LAMA4: variants seen among roughly 807,000 people sequenced by gnomAD.
LAMA4 encodes laminin subunit alpha-4.
LAMA4 carries 127 observed loss-of-function variants against 207.1 expected under a neutral mutation model. That is an observed-to-expected ratio of 0.61 (90% CI 0.53 to 0.71). The LOEUF is 0.71. LAMA4 is among the 30% of genes least tolerant of loss of function. The pLI, the probability that LAMA4 is intolerant of heterozygous loss-of-function variation, is 0.00. For missense variants in LAMA4, 2,093 were observed against 2,246.5 expected, an observed-to-expected ratio of 0.93 and a Z score of 1.38; for synonymous variants, 761 against 816.0, an observed-to-expected ratio of 0.93 and a Z score of 1.15.
chr6:112,122,023 A>G lies in LAMA4; in HGVS notation c.4466T>C (p.Phe1489Ser), dbSNP rs587734662. The G allele has an allele frequency of 1.2e-6, 2 of 1,613,946 alleles. No individual in the cohort carries two copies. The highest frequency in any genetic ancestry group is 2.7e-5 in the African/African-American group (2 of 75,024). Residue 1489 changes from phenylalanine (F) to serine (S), a missense_variant, in exon 32 of 39, where the codon TTT becomes TCT. Transcript: ENST00000230538. ...TAGTGTGTTACTTTACTTGGCACCA[A>G]AATCTCCTTTTAAGTGTTCAAACTC... Reference protein sequence around the residue: ...RQEFEHLKGDFGAKSQFSIRL... With the variant: ...RQEFEHLKGDSGAKSQFSIRL...
At chr6:112,224,410 C>T (rs1393782027) in intron 2 of LAMA4, among the ~76,000 whole-genome samples, 7 of 152,152 alleles carry the variant, frequency 4.6e-5, no homozygotes, top group African/African-American at 1.2e-4. Flanking sequence ...AGAACTTAAT[C>T]GCACTGGCTC....
chr6:112,159,246 G>T (rs184700199), intron 13 of LAMA4, among the ~76,000 whole-genome samples: 2 of 152,280 alleles, frequency 1.3e-5, no homozygotes, highest in East Asian at 3.9e-4. Context: ...TATATATGTT[G>T]TCTCTATTTT....
intron 13 of LAMA4, among the ~76,000 whole-genome samples, chr6:112,161,700 A>G (rs1554338414): frequency 6.6e-6 from 1 of 152,192 alleles, no homozygotes; most frequent in African/African-American, 2.4e-5. Context: ...TGAATAACAT[A>G]TGACAGGTGG....
intron 32 of LAMA4, 27 bp downstream of exon 32, chr6:112,121,987 G>A: frequency 6.3e-7 from 1 of 1,595,876 alleles, no homozygotes; most frequent in Non-Finnish European, 8.6e-7. Flanking sequence ...GTCATTAGGA[G>A]TCTAGGAGTA....
intron 27 of LAMA4, 89 bp from the exon 28 acceptor site, chr6:112,132,979 G>A: frequency 2.2e-6 from 3 of 1,352,690 alleles, no homozygotes; most frequent in Middle Eastern, 1.8e-4. Flanking sequence ...GGCCTTGCCT[G>A]TTAATTTCTA....
intron 3 of LAMA4, among the ~76,000 whole-genome samples, chr6:112,213,391 C>G (rs1784454488): frequency 6.6e-6 from 1 of 152,180 alleles, no homozygotes; most frequent in Non-Finnish European, 1.5e-5. Flanking sequence ...TCTTGTGCCT[C>G]CTTCTAGTAC....
intron 3 of LAMA4, among the ~76,000 whole-genome samples, chr6:112,208,067 C>T (rs9487847): frequency 0.31 from 47,728 of 152,050 alleles, 9,310 homozygotes; most frequent in East Asian, 0.59. Context: ...TTCTATGGGA[C>T]TATACTAGTG....
rs572066625 is a variant in LAMA4 at position 112,140,648 on chromosome 6, A to G, written c.2976+112T>C. ...TGGTTCAGAATTCTACTCCCCCATG[A>G]ACTAAGCTCTTAAAGTGATATCAGC... On this transcript the variant is annotated intron_variant, in intron 22 of 38. Transcript: ENST00000230538. 7.0e-5 allele frequency: 66 copies of G among 940,502 alleles called. No homozygotes were observed. In the South Asian group the frequency reaches 9.0e-4, roughly 13 times the overall value. The allele number at this position is 940,502 out of a possible 1,614,324, so 58.3% of individuals were successfully genotyped here. A position where few individuals can be genotyped will look rare whatever the true frequency, so the allele number is the denominator to read the frequency against.
intron 2 of LAMA4, among the ~76,000 whole-genome samples, chr6:112,242,849 T>C (rs1364557245): frequency 6.6e-6 from 1 of 152,234 alleles, no homozygotes; most frequent in Non-Finnish European, 1.5e-5. Flanking sequence ...ATAATGTGAG[T>C]ATTTCATGTT....
intron 13 of LAMA4, among the ~76,000 whole-genome samples, chr6:112,160,889 C>T (rs1781015104): frequency 6.6e-6 from 1 of 152,310 alleles, no homozygotes; most frequent in African/African-American, 2.4e-5. Context: ...TGTTATTTCC[C>T]TTCTCAGAAT....
intron 3 of LAMA4, among the ~76,000 whole-genome samples, chr6:112,214,544 G>T (rs1222334812): frequency 6.6e-6 from 1 of 151,902 alleles, no homozygotes; most frequent in Admixed American, 6.6e-5. Context: ...CTATATTTTT[G>T]GTCTGTTTTC....
At chr6:112,226,788 T>C (rs1423159752) in intron 2 of LAMA4, among the ~76,000 whole-genome samples, 1 of 152,176 alleles carries the variant, frequency 6.6e-6, no homozygotes, top group Non-Finnish European at 1.5e-5. Context: ...ATTTCACAAG[T>C]GAAGATATCT....
intron 3 of LAMA4, among the ~76,000 whole-genome samples, chr6:112,207,526 C>CAACG (rs1554354808): frequency 0.018 from 2,615 of 142,610 alleles, 80 homozygotes; most frequent in African/African-American, 0.074. Flanking sequence ...AGAAACCAAC[C>CAACG]AACCAACCAA....
rs782006922 is a variant in LAMA4, at chr6:112,114,209, CAA to C, written c.5207-16_5207-15del. On this transcript the variant is annotated splice_polypyrimidine_tract_variant and intron_variant, in intron 37 of 38. Coordinates refer to ENST00000230538, the MANE Select transcript of LAMA4 (RefSeq NM_001105206.3). ...AATCTCTAATAACTGAAATGCAGGGCAAAGACTGGTCATAAGTGGCACTGGAG... is the reference window on the plus strand; with the variant it reads ...AATCTCTAATAACTGAAATGCAGGGCAGACTGGTCATAAGTGGCACTGGAG... 5.6e-6 allele frequency: 9 copies of C among 1,613,072 alleles called. No individual in the cohort carries two copies. In the African/African-American group the frequency reaches 1.2e-4, roughly 22 times the overall value.
At chr6:112,163,086 C>T (rs1004319510) in intron 13 of LAMA4, among the ~76,000 whole-genome samples, 1 of 150,638 alleles carries the variant, frequency 6.6e-6, no homozygotes, top group East Asian at 2.0e-4. Flanking sequence ...ATCCTCCCAT[C>T]TCAGCCTCCT....
intron 12 of LAMA4, 75 bp from the exon 13 acceptor site, chr6:112,165,351 C>T: frequency 1.0e-6 from 1 of 966,536 alleles, no homozygotes; most frequent in Non-Finnish European, 1.7e-6. Context: ...CAGTAAATGT[C>T]AACTTGCTCT....
intron 29 of LAMA4, 111 bp downstream of exon 29, chr6:112,130,857 T>A (rs1778994201): frequency 8.9e-7 from 1 of 1,124,470 alleles, no homozygotes; most frequent in Non-Finnish European, 1.3e-6. Context: ...CTAGCATTTT[T>A]GTTTTAACAT....
In LAMA4 at chr6:112,113,987, C is replaced by G. The variant is rs1419923242; in HGVS notation, c.5326+89G>C. 4.1e-6 allele frequency: 6 copies of G among 1,476,148 alleles called. No homozygotes were observed. The East Asian group carries it at 1.1e-4, about 28-fold the overall frequency. 91.4% of individuals were successfully genotyped at this position (1,476,148 alleles called of 1,614,324 possible). On this transcript the variant is annotated intron_variant, in intron 38 of 38. Coordinates refer to ENST00000230538, the MANE Select transcript of LAMA4 (RefSeq NM_001105206.3). Reference sequence around the variant, plus strand: ...AAATCCTTTGAGTAACTAGGTGCATCATAAAAACACATGGCTCAATTCTAC... The same window carrying G: ...AAATCCTTTGAGTAACTAGGTGCATGATAAAAACACATGGCTCAATTCTAC...
chr6:112,196,731 T>C (rs1177194980), intron 5 of LAMA4, among the ~76,000 whole-genome samples: 1 of 152,126 alleles, frequency 6.6e-6, no homozygotes, highest in Admixed American at 6.6e-5. Context: ...GGTGGGAGAT[T>C]GGGGGTAAAA....
Sources: allele counts gnomAD v4.1 joint callset (sites outside exome capture counted in the v4.1 genomes callset), GRCh38; gene constraint gnomAD v4.1.1; transcripts MANE v1.5; gene names NCBI Gene and HGNC (gene_info 2026-07-23, HGNC 2026-07-21).